Variants in HDAC9 observed in about 807,000 individuals in gnomAD.
The protein encoded by HDAC9 is histone deacetylase 9.
In HDAC9, 41 loss-of-function variants were observed where a neutral mutation model predicts 139.4. The ratio of observed to expected loss-of-function variants is 0.29; its 90% confidence interval spans 0.23 to 0.38. The LOEUF is 0.38. Ranked by LOEUF, HDAC9 falls within the 10% of genes least tolerant of loss-of-function variation. The pLI is 1.00. For synonymous variants in HDAC9, 517 were observed against 476.2 expected (o/e 1.09, Z -1.12); for missense variants, 1,147 against 1,297.0 (o/e 0.88, Z 1.78).
chr7:18,711,964 C>T (rs1784378750), intron 12 of HDAC9, among the ~76,000 whole-genome samples: 1 of 149,314 alleles, frequency 6.7e-6, no homozygotes, highest in Admixed American at 6.7e-5. Flanking sequence ...GGAAAACAGT[C>T]AACCAAACAA....
At chr7:18,491,689 T>C (rs1796380193), upstream of HDAC9, among the ~76,000 whole-genome samples, 1 of 151,962 alleles carries the variant, frequency 6.6e-6, no homozygotes, top group African/African-American at 2.4e-5. Context: ...AAAGTCAACG[T>C]TGTGATAATG....
chr7:18,629,530 A>G lies in HDAC9; in HGVS notation c.796+49A>G. 4 of 1,541,850 alleles carry G rather than the reference A, an allele frequency of 2.6e-6. No individual in the cohort carries two copies. The South Asian group carries it at 4.9e-5, about 19-fold the overall frequency. On this transcript the variant is annotated intron_variant, in intron 7 of 25. Transcript: ENST00000686413. ...ATGAATGCTGGGAGTAGGAATGAAA[A>G]AAAAATAGTTTAGAATAAATATACC...
chr7:18,891,535 T>C lies in HDAC9; in HGVS notation c.2803+16939T>C, dbSNP rs558085131. Among the ~76,000 whole-genome samples, 9 of 152,300 alleles carry C rather than the reference T, an allele frequency of 5.9e-5. 1 individual carries two copies. The East Asian group carries it at 1.7e-3, about 29-fold the overall frequency. ...CTGCAGGCACTTGAACAGTAAATCA[T>C]TGAGTACCAGGCTTAAGAGCTAGTA... On this transcript the variant is annotated intron_variant, in intron 22 of 25. Coordinates refer to ENST00000686413, the MANE Select transcript of HDAC9 (RefSeq NM_178425.4).
chr7:18,548,349 G>A (rs1202189089), intron 2 of HDAC9, among the ~76,000 whole-genome samples: 6 of 152,112 alleles, frequency 3.9e-5, no homozygotes, highest in Non-Finnish European at 7.4e-5. Flanking sequence ...TTGAACTATT[G>A]CAAGAATTAC....
At chr7:18,907,024 A>G (rs985666367) in intron 22 of HDAC9, 1 of 152,206 alleles carries the variant, frequency 6.6e-6, no homozygotes, top group Non-Finnish European at 1.5e-5. Flanking sequence ...CTCTTTTCAC[A>G]TCGGGAGCAC....
intron 21 of HDAC9, among the ~76,000 whole-genome samples, chr7:18,844,537 A>C (rs1796787429): frequency 6.6e-6 from 1 of 152,204 alleles, no homozygotes; most frequent in Non-Finnish European, 1.5e-5. Context: ...ATATTGTTGC[A>C]CTTGAAAATA....
chr7:18,673,097 C>T (rs17139560), intron 12 of HDAC9, among the ~76,000 whole-genome samples: 17,913 of 151,836 alleles, frequency 0.12, 1,295 homozygotes, highest in African/African-American at 0.2. Flanking sequence ...CTACCCTCGT[C>T]ACTCAGTTTT....
intron 12 of HDAC9, among the ~76,000 whole-genome samples, chr7:18,703,093 A>G (rs1783630067): frequency 6.6e-6 from 1 of 152,136 alleles, no homozygotes; most frequent in Non-Finnish European, 1.5e-5. Flanking sequence ...ATTTCTTCAA[A>G]CCTGTTTCAT....
At chr7:18,489,985 C>T (rs551100464) in intron 1 of HDAC9, among the ~76,000 whole-genome samples, 57 of 152,164 alleles carry the variant, frequency 3.7e-4, no homozygotes, top group African/African-American at 1.2e-3. Context: ...GGATCCCTTT[C>T]TTAGCAATCC....
chr7:18,487,304 G>T (rs1007787628), intron 1 of HDAC9, among the ~76,000 whole-genome samples: 2 of 151,956 alleles, frequency 1.3e-5, no homozygotes, highest in East Asian at 1.9e-4. Context: ...AAATGAAAAA[G>T]AATTTCCCAA....
chr7:18,462,292 C>T (rs1793919206), intron 1 of HDAC9, among the ~76,000 whole-genome samples: 1 of 152,054 alleles, frequency 6.6e-6, no homozygotes, highest in Non-Finnish European at 1.5e-5. Context: ...TTCTGGTTCT[C>T]ATCCACTCTT....
At chr7:18,953,331 C>T (rs1322249957) in intron 23 of HDAC9, among the ~76,000 whole-genome samples, 3 of 152,126 alleles carry the variant, frequency 2.0e-5, no homozygotes, top group Admixed American at 1.3e-4. Context: ...GGGCCCTAGC[C>T]ATGCGCTTTC....
intron 25 of HDAC9, among the ~76,000 whole-genome samples, chr7:18,981,536 A>T (rs774090133): frequency 1.4e-4 from 21 of 152,188 alleles, no homozygotes; most frequent in Non-Finnish European, 2.6e-4. Flanking sequence ...CTCTGGGGAA[A>T]AATTGGTTTC....
chr7:18,547,583 G>A (rs763229493), intron 2 of HDAC9, among the ~76,000 whole-genome samples: 28 of 152,114 alleles, frequency 1.8e-4, no homozygotes, highest in Non-Finnish European at 3.1e-4. Flanking sequence ...TGGCTGCATC[G>A]ATTGACTTTT....
At chr7:18,432,144 G>GT (rs1790735750) in intron 1 of HDAC9, among the ~76,000 whole-genome samples, 1 of 152,196 alleles carries the variant, frequency 6.6e-6, no homozygotes, top group South Asian at 2.1e-4. Context: ...CTTCCTCCAA[G>GT]TTAAGAGTTG....
Position 18,115,187 on chromosome 7 carries a change from G to A in HDAC9, c.-97+27974G>A, listed in dbSNP as rs565365016. On this transcript the variant is annotated intron_variant, in intron 1 of 12. Transcript: ENST00000417496. ...GGGCGCCTGTAGTCCCAGCTACTTG[G>A]GAGGCTGAGGCAGGAGAATGGCATG... Among the ~76,000 whole-genome samples, 10 of 152,114 alleles carry A rather than the reference G, an allele frequency of 6.6e-5. No homozygotes were observed. In the South Asian group the frequency reaches 2.1e-3, roughly 32 times the overall value.
chr7:18,307,769 C>T (rs1347930494), intron 1 of HDAC9, among the ~76,000 whole-genome samples: 1 of 152,110 alleles, frequency 6.6e-6, no homozygotes, highest in African/African-American at 2.4e-5. Context: ...TGCCGCTGCA[C>T]TCCAGCCTGG....
rs78661575 is a variant in HDAC9, at chr7:18,749,859, G to C, written c.2043+721G>C. ...TGAAATCCAGTAACATTCTGCATTT[G>C]AATCTAAGGCATTTTTAAAAGAAAA... On this transcript the variant is annotated intron_variant, in intron 14 of 25. Coordinates refer to ENST00000686413, the MANE Select transcript of HDAC9 (RefSeq NM_178425.4). 5.1e-3 allele frequency among the ~76,000 whole-genome samples: 774 copies of C among 152,228 alleles called. 7 individuals are homozygous for C. Among genetic ancestry groups the C allele is most frequent in the African/African-American group, 0.018 (756 of 41,548 alleles).
At chr7:18,478,164 C>T (rs1305724054) in intron 1 of HDAC9, among the ~76,000 whole-genome samples, 1 of 152,070 alleles carries the variant, frequency 6.6e-6, no homozygotes, top group African/African-American at 2.4e-5. Flanking sequence ...CTCCGCCTCC[C>T]GGGTTCACGC....
Sources: gnomAD v4.1 joint callset for allele counts (sites outside exome capture counted in the v4.1 genomes callset) on GRCh38, gnomAD v4.1.1 for gene constraint, MANE v1.5 for transcripts, NCBI Gene and HGNC (gene_info 2026-07-23, HGNC 2026-07-21) for gene names.